The following ETV1 variants were observed in gnomAD, a reference collection of about 807,000 sequenced individuals.
ETV1 encodes ETS variant transcription factor 1.
A neutral mutation model predicts 62.3 loss-of-function variants in ETV1; 27 were observed. The observed-to-expected ratio is 0.43, with a 90% CI of 0.32 to 0.60. The LOEUF is 0.60. Among genes scored for constraint, ETV1 ranks in the 20% least tolerant of loss-of-function variants. The pLI, the probability that ETV1 is intolerant of heterozygous loss-of-function variation, is 0.06. For missense variants in ETV1, 605 were observed against 605.8 expected, an observed-to-expected ratio of 1.00 and a Z score of 0.01; for synonymous variants, 222 against 199.6, an observed-to-expected ratio of 1.11 and a Z score of -0.94.
At chr7:13,953,403 A>G (rs1789050157) in intron 6 of ETV1, among the ~76,000 whole-genome samples, 1 of 152,214 alleles carries the variant, frequency 6.6e-6, no homozygotes, top group Non-Finnish European at 1.5e-5. Flanking sequence ...CAAAGTTCCA[A>G]AAATAAAAAT....
At chr7:13,938,078 T>C (rs1418354740) in intron 7 of ETV1, among the ~76,000 whole-genome samples, 1 of 152,170 alleles carries the variant, frequency 6.6e-6, no homozygotes, top group Non-Finnish European at 1.5e-5. Flanking sequence ...CTGTAGTAGC[T>C]GGGATTACAG....
At chr7:13,979,021 C>T (rs1781723852) in intron 5 of ETV1, among the ~76,000 whole-genome samples, 1 of 152,000 alleles carries the variant, frequency 6.6e-6, no homozygotes, top group Non-Finnish European at 1.5e-5. Context: ...TTTGATCAGC[C>T]TATATTGCAA....
intron 5 of ETV1, among the ~76,000 whole-genome samples, chr7:13,983,991 G>A (rs1214168943): frequency 6.6e-6 from 1 of 151,172 alleles, no homozygotes; most frequent in Non-Finnish European, 1.5e-5. Flanking sequence ...TTGCATTTGG[G>A]GTAAAATTTA....
At chr7:13,918,647 T>A (rs1360020083) in intron 9 of ETV1, among the ~76,000 whole-genome samples, 1 of 151,048 alleles carries the variant, frequency 6.6e-6, no homozygotes, top group East Asian at 2.0e-4. Context: ...CACCGCATAT[T>A]CTCACTCATA....
chr7:13,974,962 AG>A (rs1344892390), intron 6 of ETV1: 1 of 152,534 alleles, frequency 6.6e-6, no homozygotes, highest in Non-Finnish European at 1.5e-5. Context: ...AGCAGGGATC[AG>A]GTGAGGATGT....
At chr7:13,914,173 C>G (rs1340765479) in intron 9 of ETV1, among the ~76,000 whole-genome samples, 1 of 152,098 alleles carries the variant, frequency 6.6e-6, no homozygotes, top group Non-Finnish European at 1.5e-5. Flanking sequence ...GCATGAGTCA[C>G]CGCGCCCGGC....
At chr7:13,988,675 T>A in intron 3 of ETV1, 1 of 1,604,380 alleles carries the variant, frequency 6.2e-7, no homozygotes, top group Non-Finnish European at 8.5e-7. Context: ...AGCATTTGTC[T>A]CAACTTCATT....
intron 5 of ETV1, among the ~76,000 whole-genome samples, chr7:13,982,186 C>T (rs1312122143): frequency 6.6e-6 from 1 of 152,004 alleles, no homozygotes; most frequent in Non-Finnish European, 1.5e-5. Context: ...AACTTGAAAA[C>T]TTAAGGGAAG....
chr7:13,931,866 A>G, intron 8 of ETV1, 117 bp from the exon 9 acceptor site: 1 of 1,242,768 alleles, frequency 8.0e-7, no homozygotes. Flanking sequence ...CCTGAAGCGT[A>G]AATCTTTAAC....
chr7:13,921,021 G>C (rs925905329), intron 9 of ETV1, among the ~76,000 whole-genome samples: 2 of 152,130 alleles, frequency 1.3e-5, no homozygotes, highest in African/African-American at 4.8e-5. Flanking sequence ...ATGTGTAAAA[G>C]AAAATTATCT....
chr7:13,901,056 G>T, intron 12 of ETV1, among the ~76,000 whole-genome samples: 1 of 150,348 alleles, frequency 6.7e-6, no homozygotes, highest in African/African-American at 2.5e-5. Context: ...CAGGCTGGGA[G>T]TGCAGTGGCG....
At chr7:13,904,245 C>T (rs1782727705) in intron 12 of ETV1, among the ~76,000 whole-genome samples, 1 of 152,226 alleles carries the variant, frequency 6.6e-6, no homozygotes, top group African/African-American at 2.4e-5. Context: ...AGGAGACATT[C>T]AGTGCTTATT....
intron 6 of ETV1, among the ~76,000 whole-genome samples, chr7:13,956,785 A>G (rs1356173282): frequency 1.3e-5 from 2 of 152,222 alleles, no homozygotes; most frequent in Non-Finnish European, 2.9e-5. Flanking sequence ...TACATAATAT[A>G]CAGTATACAG....
chr7:13,925,620 C>T (rs1354192571), intron 9 of ETV1, among the ~76,000 whole-genome samples: 5 of 150,470 alleles, frequency 3.3e-5, no homozygotes, highest in Non-Finnish European at 4.4e-5. Context: ...GGCTGGAGTG[C>T]GGTGGCGCGA....
At chr7:13,921,444 A>G (rs1224431662) in intron 9 of ETV1, among the ~76,000 whole-genome samples, 4 of 152,184 alleles carry the variant, frequency 2.6e-5, no homozygotes, top group Admixed American at 6.5e-5. Context: ...TTTATCAGCC[A>G]TTTGTACTTT....
chr7:13,900,618 A>C (rs1214051941), intron 13 of ETV1, 120 bp downstream of exon 13: 4 of 674,048 alleles, frequency 5.9e-6, no homozygotes, highest in Non-Finnish European at 9.8e-6. Flanking sequence ...AGAGCTAAGC[A>C]TTTGTTAAAA....
At position 13,962,213 on chromosome 7, in the gene ETV1, G is replaced by A. The variant is rs557636741; in HGVS notation, c.235+15214C>T. On this transcript the variant is annotated intron_variant, in intron 6 of 13. Coordinates refer to ENST00000430479, the MANE Select transcript of ETV1 (RefSeq NM_004956.5). ...CACACACACACACACGTGTGTGTGT[G>A]TATATATATAAATACTCATTTAGTC... is the stretch of plus-strand genomic sequence containing the variant. 6.0e-5 allele frequency among the ~76,000 whole-genome samples: 9 copies of A among 151,006 alleles called. No homozygotes were observed. In the East Asian group the frequency reaches 1.6e-3, roughly 26 times the overall value.
At chr7:13,940,395 A>T (rs1162802258) in intron 6 of ETV1, among the ~76,000 whole-genome samples, 1 of 146,902 alleles carries the variant, frequency 6.8e-6, no homozygotes, top group Non-Finnish European at 1.5e-5. Flanking sequence ...AAAAAGAAAA[A>T]AAAAGCTATA....
chr7:13,906,399 G>C, intron 12 of ETV1, 31 bp downstream of exon 12: 2 of 1,418,846 alleles, frequency 1.4e-6, no homozygotes, highest in Non-Finnish European at 1.9e-6. Context: ...TAACATGTCT[G>C]AGTGTCCTAA....
Sources: gnomAD v4.1 joint callset for allele counts (sites outside exome capture counted in the v4.1 genomes callset) on GRCh38, gnomAD v4.1.1 for gene constraint, MANE v1.5 for transcripts, NCBI Gene and HGNC (gene_info 2026-07-23, HGNC 2026-07-21) for gene names.